The following SLC22A9 variants were observed in gnomAD, a reference collection of about 807,000 sequenced individuals.
SLC22A9 encodes organic anion transporter 7.
Under a neutral mutation model 50.1 loss-of-function variants are expected in SLC22A9, and 64 were observed. That is an observed-to-expected ratio of 1.28 (90% CI 1.04 to 1.57). The LOEUF (loss-of-function observed/expected upper bound fraction) is 1.57, where lower values mean the gene tolerates loss of function less well. Ranked by LOEUF, SLC22A9 falls within the 40% of genes most tolerant of loss-of-function variation. SLC22A9 has a pLI of 0.00. For missense variants in SLC22A9, 757 were observed against 676.1 expected (o/e 1.12, Z -1.33); for synonymous variants, 261 against 242.5 (o/e 1.08, Z -0.71).
intron 5 of SLC22A9, among the ~76,000 whole-genome samples, chr11:63,381,641 T>C (rs2014562723): frequency 6.6e-6 from 1 of 152,114 alleles, no homozygotes; most frequent in African/African-American, 2.4e-5. Context: ...CATGGAAGCA[T>C]GAGATTAGGG....
intron 6 of SLC22A9, among the ~76,000 whole-genome samples, chr11:63,389,681 CTT>C (rs1329179154): frequency 6.6e-6 from 1 of 152,108 alleles, no homozygotes; most frequent in Admixed American, 6.6e-5. Context: ...ATTTATAATC[CTT>C]TGGGTACATA....
At chr11:63,383,067 T>C (rs75743167) in intron 6 of SLC22A9, among the ~76,000 whole-genome samples, 2,501 of 152,262 alleles carry the variant, frequency 0.016, 67 homozygotes, top group African/African-American at 0.057. Context: ...AGAGCACTTA[T>C]GGAACTTGCA....
chr11:63,398,905 C>G (rs2119988767), intron 6 of SLC22A9, among the ~76,000 whole-genome samples: 1 of 152,290 alleles, frequency 6.6e-6, no homozygotes, highest in African/African-American at 2.4e-5. Flanking sequence ...CCATCTTGCT[C>G]CTCTTCGTTG....
intron 5 of SLC22A9, among the ~76,000 whole-genome samples, chr11:63,378,622 T>C (rs937468812): frequency 2.0e-5 from 3 of 152,158 alleles, no homozygotes; most frequent in Non-Finnish European, 2.9e-5. Flanking sequence ...TACAAATCCC[T>C]GTAGTTGTAG....
At position 63,403,447 on chromosome 11, in the gene SLC22A9, C is replaced by T. The variant is rs550094404; in HGVS notation, c.1074-3050C>T. ...GTTGAGTGAGTCTGTCAGCACCCCA[C>T]CTCCATTATTATTATTTCCAAAGGG... On this transcript the variant is annotated intron_variant, in intron 6 of 9. Transcript: ENST00000279178. Among the ~76,000 whole-genome samples, 14 of 152,170 alleles carry T rather than the reference C, an allele frequency of 9.2e-5. No homozygotes were observed. In the South Asian group the frequency reaches 2.7e-3, roughly 29 times the overall value.
chr11:63,396,397 C>A (rs2014857723), intron 6 of SLC22A9, among the ~76,000 whole-genome samples: 1 of 152,210 alleles, frequency 6.6e-6, no homozygotes, highest in African/African-American at 2.4e-5. Flanking sequence ...CTGTATTTCT[C>A]TTGGCTCTCT....
Position 63,370,173 on chromosome 11 carries a change from C to A in SLC22A9, c.117C>A (p.Asn39Lys), listed in dbSNP as rs754633521. 6 of 1,614,092 alleles carry A rather than the reference C, an allele frequency of 3.7e-6. No homozygotes were observed. The highest frequency in any genetic ancestry group is 4.2e-6 in the Non-Finnish European group (5 of 1,179,938). Residue 39 changes from asparagine to lysine, a missense_variant, in exon 1 of 10, where the codon AAC becomes AAA. Physicochemically the swap from Asn to Lys is moderately conservative, Grantham distance 94. Coordinates refer to ENST00000279178, the MANE Select transcript of SLC22A9 (RefSeq NM_080866.3). ...CATACCTTCATTTTATGCTGGAGAA[C>A]TTCACTGCATTCATACCTGGCCATC... ...VATYLHFMLE[N>K]FTAFIPGHRC...
At position 63,408,727 on chromosome 11, in the gene SLC22A9, G is replaced by A; in HGVS notation, c.1449G>A (p.Leu483=). 2 of 1,613,962 alleles carry A rather than the reference G, an allele frequency of 1.2e-6. No homozygotes were observed. Among genetic ancestry groups the A allele is most frequent in the East Asian group, 2.2e-5 (1 of 44,868 alleles). ...NATFANIAGA[L]APLMMILSVY... ...CCTTTGCTAATATAGCAGGAGCCCT[G>A]GCTCCCCTCATGATGATCCTAAGTG... The change falls in exon 9 of 10, where the codon CTG becomes CTA. Residue 483 remains leucine, a synonymous_variant. Coordinates refer to ENST00000279178, the MANE Select transcript of SLC22A9 (RefSeq NM_080866.3).
chr11:63,408,090 C>T, intron 7 of SLC22A9, 22 bp from the exon 8 acceptor site: 1 of 1,600,782 alleles, frequency 6.2e-7, no homozygotes, highest in Non-Finnish European at 8.6e-7. Context: ...TTCCTGAGGC[C>T]TTGTGTTCTT....
intron 6 of SLC22A9, among the ~76,000 whole-genome samples, chr11:63,388,132 C>G (rs575120782): frequency 6.6e-6 from 1 of 152,044 alleles, no homozygotes; most frequent in Non-Finnish European, 1.5e-5. Context: ...AATTTGACTT[C>G]GAGTTTTCCA....
At chr11:63,380,516 G>A (rs1396284864) in intron 5 of SLC22A9, among the ~76,000 whole-genome samples, 1 of 152,096 alleles carries the variant, frequency 6.6e-6, no homozygotes, top group African/African-American at 2.4e-5. Flanking sequence ...AAAAAAAGAG[G>A]TCATGTCCTT....
At chr11:63,382,705 T>C (rs2014587691) in intron 6 of SLC22A9, among the ~76,000 whole-genome samples, 1 of 152,150 alleles carries the variant, frequency 6.6e-6, no homozygotes, top group African/African-American at 2.4e-5. Context: ...TAGGACATGA[T>C]CGCAAGCATA....
intron 7 of SLC22A9, 145 bp from the exon 8 acceptor site, chr11:63,407,967 G>A (rs2015068479): frequency 1.7e-6 from 1 of 583,826 alleles, no homozygotes; most frequent in Middle Eastern, 4.7e-4. Flanking sequence ...ATCAGCCACT[G>A]CACATTCTTT....
intron 6 of SLC22A9, among the ~76,000 whole-genome samples, chr11:63,400,935 T>C: frequency 6.6e-6 from 1 of 152,164 alleles, no homozygotes; most frequent in East Asian, 1.9e-4. Context: ...CAAAAGCATA[T>C]GATAAAATTC....
intron 5 of SLC22A9, among the ~76,000 whole-genome samples, chr11:63,380,975 A>C (rs2014550971): frequency 6.6e-6 from 1 of 152,188 alleles, no homozygotes; most frequent in South Asian, 2.1e-4. Context: ...AAAAGAGAGC[A>C]TTGCTTATGA....
intron 1 of SLC22A9, among the ~76,000 whole-genome samples, chr11:63,370,700 C>A (rs2014339643): frequency 6.6e-6 from 1 of 152,134 alleles, no homozygotes; most frequent in South Asian, 2.1e-4. Context: ...TTTAAACAAG[C>A]ATTTATATAT....
intron 6 of SLC22A9, among the ~76,000 whole-genome samples, chr11:63,393,758 T>C (rs1276529485): frequency 6.6e-6 from 1 of 152,148 alleles, no homozygotes; most frequent in Non-Finnish European, 1.5e-5. Flanking sequence ...CCTTGGTGAA[T>C]ATGATGATTA....
intron 6 of SLC22A9, among the ~76,000 whole-genome samples, chr11:63,404,577 G>A (rs567802732): frequency 7.2e-4 from 109 of 152,234 alleles, no homozygotes; most frequent in African/African-American, 2.6e-3. Context: ...ACTAAATTTG[G>A]ATTTCAGTAC....
At chr11:63,391,340 T>C (rs1287246014) in intron 6 of SLC22A9, among the ~76,000 whole-genome samples, 2 of 152,120 alleles carry the variant, frequency 1.3e-5, no homozygotes, top group Non-Finnish European at 2.9e-5. Context: ...GTCGATTTGT[T>C]CTACAATGCA....
Sources: allele counts gnomAD v4.1 joint callset (sites outside exome capture counted in the v4.1 genomes callset), GRCh38; gene constraint gnomAD v4.1.1; transcripts MANE v1.5; gene names NCBI Gene and HGNC (gene_info 2026-07-23, HGNC 2026-07-21).